CTNNA3: variants seen among roughly 807,000 people sequenced by gnomAD.
CTNNA3 encodes catenin alpha-3.
A neutral mutation model predicts 95.7 loss-of-function variants in CTNNA3; 76 were observed. That is an observed-to-expected ratio of 0.79 (90% confidence interval 0.66 to 0.96). The LOEUF (loss-of-function observed/expected upper bound fraction) is 0.96. CTNNA3 is among the 40% of genes least tolerant of loss of function. The pLI is 0.00. For missense variants in CTNNA3, 1,191 were observed against 1,089.8 expected (o/e 1.09, Z -1.31); for synonymous variants, 431 against 374.4 (o/e 1.15, Z -1.74).
At chr10:66,031,332 A>C (rs1274496516) in intron 15 of CTNNA3, among the ~76,000 whole-genome samples, 1 of 152,246 alleles carries the variant, frequency 6.6e-6, no homozygotes, top group Non-Finnish European at 1.5e-5. Flanking sequence ...GATTGGATGA[A>C]GAACATATGG....
rs550872003 is a variant in CTNNA3, at chr10:67,235,736, A to C, written c.580-15866T>G. The stretch of plus-strand genomic sequence containing the variant: ...ATCAGAGTGAACAGGCAACCTACAA[A>C]ATGGGAGAAAATTTTTGCAATCTAC... On this transcript the variant is annotated intron_variant, in intron 5 of 17. Transcript: ENST00000433211. Among the ~76,000 whole-genome samples the C allele has an allele frequency of 3.0e-3, 436 of 144,172 alleles. 26 individuals carry two copies. Among genetic ancestry groups the C allele is most frequent in the African/African-American group, 0.011 (400 of 37,710 alleles). The allele number at this position is 144,172 out of a possible 152,430, so 94.6% of individuals were successfully genotyped here.
chr10:67,287,790 C>T (rs1431518371), intron 5 of CTNNA3, among the ~76,000 whole-genome samples: 1 of 152,154 alleles, frequency 6.6e-6, no homozygotes, highest in African/African-American at 2.4e-5. Context: ...TGCAGAAAAA[C>T]ATGTAGTTAT....
intron 5 of CTNNA3, among the ~76,000 whole-genome samples, chr10:67,359,776 T>C (rs1033104368): frequency 3.3e-5 from 5 of 152,090 alleles, no homozygotes; most frequent in African/African-American, 1.2e-4. Flanking sequence ...TTGAAACATA[T>C]TTGAGTACCT....
intron 11 of CTNNA3, among the ~76,000 whole-genome samples, chr10:66,442,082 T>G (rs933172066): frequency 5.9e-5 from 9 of 152,204 alleles, no homozygotes; most frequent in African/African-American, 2.2e-4. Flanking sequence ...CATCCATGGC[T>G]GCTTCTGTAT....
At chr10:67,241,259 A>G (rs1865708163) in intron 5 of CTNNA3, among the ~76,000 whole-genome samples, 1 of 151,820 alleles carries the variant, frequency 6.6e-6, no homozygotes, top group Non-Finnish European at 1.5e-5. Context: ...CATCTCTACT[A>G]AAAAAATACA....
At chr10:65,954,689 A>G (rs907017289) in intron 17 of CTNNA3, among the ~76,000 whole-genome samples, 4 of 152,118 alleles carry the variant, frequency 2.6e-5, no homozygotes, top group Non-Finnish European at 5.9e-5. Flanking sequence ...CAAAGATCAG[A>G]TGGTTGTAGA....
chr10:66,159,384 T>G (rs1317755403), intron 13 of CTNNA3, among the ~76,000 whole-genome samples: 1 of 152,162 alleles, frequency 6.6e-6, no homozygotes, highest in Non-Finnish European at 1.5e-5. Context: ...CTAGATTTTG[T>G]CAGGTGCTTT....
chr10:66,712,348 A>T (rs551306141), intron 9 of CTNNA3, among the ~76,000 whole-genome samples: 1 of 152,244 alleles, frequency 6.6e-6, no homozygotes, highest in East Asian at 1.9e-4. Context: ...AAGAGGGAGG[A>T]ATTAAATGAT....
At chr10:66,180,349 A>C (rs1372146232) in intron 13 of CTNNA3, among the ~76,000 whole-genome samples, 1 of 152,186 alleles carries the variant, frequency 6.6e-6, no homozygotes, top group Non-Finnish European at 1.5e-5. Context: ...AAGCTGGATA[A>C]AGATAATTCT....
chr10:66,667,928 T>C (rs10762089), intron 9 of CTNNA3, among the ~76,000 whole-genome samples: 100,305 of 151,920 alleles, frequency 0.66, 33,991 homozygotes, highest in East Asian at 0.95. Context: ...TATACTCTTA[T>C]AGTGCCCACA....
intron 4 of CTNNA3, among the ~76,000 whole-genome samples, chr10:67,523,719 AAC>A (rs1414000659): frequency 6.6e-6 from 1 of 152,142 alleles, no homozygotes; most frequent in East Asian, 1.9e-4. Flanking sequence ...CAACATATTA[AAC>A]ACAGCCAAAA....
intron 13 of CTNNA3, among the ~76,000 whole-genome samples, chr10:66,169,707 T>C (rs368401936): frequency 3.3e-5 from 5 of 152,334 alleles, no homozygotes; most frequent in African/African-American, 1.2e-4. Flanking sequence ...TTTTTGATAA[T>C]GGCCATTCTT....
chr10:67,341,298 T>C (rs1842177212), intron 5 of CTNNA3, among the ~76,000 whole-genome samples: 1 of 152,192 alleles, frequency 6.6e-6, no homozygotes, highest in Non-Finnish European at 1.5e-5. Flanking sequence ...CTTTCTACTT[T>C]TTTTTTGTAC....
chr10:67,418,482 G>T (rs529801167), intron 5 of CTNNA3, among the ~76,000 whole-genome samples: 1 of 149,300 alleles, frequency 6.7e-6, no homozygotes, highest in South Asian at 2.1e-4. Context: ...AGAAACAGGG[G>T]TATACACACA....
intron 1 of CTNNA3, among the ~76,000 whole-genome samples, chr10:67,715,055 G>A (rs887746533): frequency 6.6e-6 from 1 of 152,258 alleles, no homozygotes; most frequent in Non-Finnish European, 1.5e-5. Flanking sequence ...CTCTTCCTGA[G>A]CACAATTGAG....
chr10:66,514,908 T>C (rs950936209), intron 11 of CTNNA3, among the ~76,000 whole-genome samples: 1 of 152,100 alleles, frequency 6.6e-6, no homozygotes, highest in Non-Finnish European at 1.5e-5. Context: ...CATTTGTTGA[T>C]GGTATGAATA....
At chr10:66,969,572 C>T (rs2132818892) in intron 7 of CTNNA3, among the ~76,000 whole-genome samples, 1 of 152,172 alleles carries the variant, frequency 6.6e-6, no homozygotes, top group South Asian at 2.1e-4. Context: ...ATTTTTGATC[C>T]ATAACACCAC....
chr10:66,665,684 T>G (rs1846426305), intron 9 of CTNNA3, among the ~76,000 whole-genome samples: 1 of 152,196 alleles, frequency 6.6e-6, no homozygotes, highest in South Asian at 2.1e-4. Flanking sequence ...TTTAAAGGCC[T>G]GATGTTCTAA....
At chr10:66,102,672 A>G (rs1298040579) in intron 14 of CTNNA3, among the ~76,000 whole-genome samples, 1 of 151,968 alleles carries the variant, frequency 6.6e-6, no homozygotes, top group Non-Finnish European at 1.5e-5. Flanking sequence ...TTAGAATAAC[A>G]TATTTGGAGT....
Sources: gnomAD v4.1 joint callset for allele counts (sites outside exome capture counted in the v4.1 genomes callset) on GRCh38, gnomAD v4.1.1 for gene constraint, MANE v1.5 for transcripts, NCBI Gene and HGNC (gene_info 2026-07-23, HGNC 2026-07-21) for gene names.